TMEM163: variants seen among roughly 807,000 people sequenced by gnomAD.
TMEM163 encodes the protein transmembrane protein 163.
In TMEM163, 17 loss-of-function variants were observed where a neutral mutation model predicts 29.3. That is an observed-to-expected ratio of 0.58 (90% confidence interval 0.40 to 0.87). The LOEUF is 0.87. Ranked by LOEUF, TMEM163 falls within the 40% of genes least tolerant of loss-of-function variation. The pLI is 0.00. For synonymous variants in TMEM163, 157 were observed against 160.6 expected, an observed-to-expected ratio of 0.98 and a Z score of 0.17; for missense variants, 303 against 381.5, an observed-to-expected ratio of 0.79 and a Z score of 1.71.
At chr2:134,538,427 T>C (rs1204108347) in intron 4 of TMEM163, among the ~76,000 whole-genome samples, 2 of 152,150 alleles carry the variant, frequency 1.3e-5, no homozygotes, top group East Asian at 3.9e-4. Flanking sequence ...GCCCAAACAA[T>C]GACACATAGC....
chr2:134,594,885 TTCTC>T (rs944592575), intron 2 of TMEM163, among the ~76,000 whole-genome samples: 1 of 147,790 alleles, frequency 6.8e-6, no homozygotes, highest in Non-Finnish European at 1.5e-5. Context: ...CTCTCTCTAC[TTCTC>T]TCTCTCTCCT....
chr2:134,490,287 C>T (rs928188579), intron 5 of TMEM163, among the ~76,000 whole-genome samples: 1 of 152,168 alleles, frequency 6.6e-6, no homozygotes, highest in East Asian at 1.9e-4. Context: ...CTCTCACCAG[C>T]GGTAGTGGGG....
chr2:134,683,794 A>G (rs1684298284), intron 2 of TMEM163, among the ~76,000 whole-genome samples: 1 of 152,212 alleles, frequency 6.6e-6, no homozygotes, highest in Admixed American at 6.5e-5. Context: ...AAGGGCAATG[A>G]TAGCAACTAG....
intron 2 of TMEM163, among the ~76,000 whole-genome samples, chr2:134,651,468 C>T (rs1178115571): frequency 5.7e-5 from 6 of 105,178 alleles, no homozygotes; most frequent in Admixed American, 9.7e-5. Flanking sequence ...GAGTAGGTTG[C>T]GAAAATTTTC....
chr2:134,580,375 A>G (rs2104793830), intron 2 of TMEM163, among the ~76,000 whole-genome samples: 1 of 152,334 alleles, frequency 6.6e-6, no homozygotes, highest in South Asian at 2.1e-4. Context: ...CCAAAGCCCA[A>G]TTGTCAAGCC....
intron 2 of TMEM163, among the ~76,000 whole-genome samples, chr2:134,704,697 C>T: frequency 6.6e-6 from 1 of 152,160 alleles, no homozygotes; most frequent in Non-Finnish European, 1.5e-5. Context: ...GTTCTGAATT[C>T]CAGTGAAGGC....
At chr2:134,531,138 G>C (rs1481593973) in intron 4 of TMEM163, among the ~76,000 whole-genome samples, 2 of 152,156 alleles carry the variant, frequency 1.3e-5, no homozygotes, top group African/African-American at 4.8e-5. Flanking sequence ...CATCCTAAAT[G>C]TGTCCCTAAG....
intron 2 of TMEM163, among the ~76,000 whole-genome samples, chr2:134,685,268 G>C (rs1455736351): frequency 2.0e-5 from 3 of 152,148 alleles, no homozygotes; most frequent in African/African-American, 7.2e-5. Flanking sequence ...AGTTGCTCTA[G>C]ATTTCCACTA....
intron 5 of TMEM163, among the ~76,000 whole-genome samples, chr2:134,475,425 A>G (rs1686891502): frequency 6.6e-6 from 1 of 152,164 alleles, no homozygotes; most frequent in Non-Finnish European, 1.5e-5. Flanking sequence ...ATTATGTATG[A>G]CCTTGGGTTA....
intron 2 of TMEM163, among the ~76,000 whole-genome samples, chr2:134,617,954 ATTTTTT>A (rs1018175166): frequency 6.6e-6 from 1 of 151,660 alleles, no homozygotes; most frequent in Admixed American, 6.6e-5. Flanking sequence ...CTACCAAAAA[ATTTTTT>A]TTCATTAGCC....
chr2:134,495,308 G>A (rs1679525759), intron 5 of TMEM163, among the ~76,000 whole-genome samples: 1 of 152,230 alleles, frequency 6.6e-6, no homozygotes, highest in Non-Finnish European at 1.5e-5. Flanking sequence ...TGGCACTCCA[G>A]CCTGGGTGGA....
intron 2 of TMEM163, among the ~76,000 whole-genome samples, chr2:134,651,922 G>C (rs1683489191): frequency 1.9e-5 from 2 of 107,234 alleles, no homozygotes; most frequent in Non-Finnish European, 1.8e-5. Flanking sequence ...TTTGGTACCA[G>C]TACCATGCTG....
At chr2:134,599,258 C>T (rs912192126) in intron 2 of TMEM163, among the ~76,000 whole-genome samples, 2 of 152,144 alleles carry the variant, frequency 1.3e-5, no homozygotes, top group African/African-American at 2.4e-5. Flanking sequence ...AGGGTTTACA[C>T]GTTTTAGGTG....
chr2:134,474,707 CT>C (rs1686876471), intron 5 of TMEM163, among the ~76,000 whole-genome samples: 1 of 152,146 alleles, frequency 6.6e-6, no homozygotes, highest in African/African-American at 2.4e-5. Context: ...TAAAACTCAA[CT>C]GTATTTCTGT....
At chr2:134,464,673 C>T (rs996751767) in intron 6 of TMEM163, among the ~76,000 whole-genome samples, 14 of 152,060 alleles carry the variant, frequency 9.2e-5, no homozygotes, top group African/African-American at 2.9e-4. Flanking sequence ...TGGGAGCAGG[C>T]GGTGGGCACA....
chr2:134,712,378 C>T (rs1684944964), intron 2 of TMEM163, among the ~76,000 whole-genome samples: 1 of 152,032 alleles, frequency 6.6e-6, no homozygotes, highest in South Asian at 2.1e-4. Flanking sequence ...TCACAGGAGA[C>T]ACCTTGTGTG....
intron 4 of TMEM163, among the ~76,000 whole-genome samples, chr2:134,516,780 C>CATATATATGAATAT (rs1680078933): frequency 7.2e-6 from 1 of 139,460 alleles, no homozygotes. Flanking sequence ...CATATCTATT[C>CATATATATGAATAT]ATATATATAT....
intron 2 of TMEM163, among the ~76,000 whole-genome samples, chr2:134,577,447 C>A (rs1681581085): frequency 6.6e-6 from 1 of 152,192 alleles, no homozygotes; most frequent in Non-Finnish European, 1.5e-5. Flanking sequence ...ATCAGAAATA[C>A]ACAAGGGTCA....
chr2:134,650,234 G>A (rs914614452), intron 2 of TMEM163, among the ~76,000 whole-genome samples: 1 of 151,620 alleles, frequency 6.6e-6, no homozygotes, highest in Non-Finnish European at 1.5e-5. Flanking sequence ...CACATAAAAA[G>A]GAGCTCGGAA....
Sources: gnomAD v4.1 joint callset for allele counts (sites outside exome capture counted in the v4.1 genomes callset) on GRCh38, gnomAD v4.1.1 for gene constraint, MANE v1.5 for transcripts, NCBI Gene and HGNC (gene_info 2026-07-23, HGNC 2026-07-21) for gene names.